The following AGO3 variants were observed in gnomAD, a reference collection of about 807,000 sequenced individuals.
AGO3 encodes protein argonaute-3.
AGO3 carries 16 observed loss-of-function variants against 105.5 expected under a neutral mutation model. The observed-to-expected ratio is 0.15, with a 90% CI of 0.10 to 0.23. The LOEUF (loss-of-function observed/expected upper bound fraction) is 0.23, where lower values mean the gene tolerates loss of function less well. Among genes scored for constraint, AGO3 ranks in the 10% least tolerant of loss-of-function variants. The pLI, the probability that AGO3 is intolerant of heterozygous loss-of-function variation, is 1.00. For missense variants in AGO3, 534 were observed against 1,088.0 expected, an observed-to-expected ratio of 0.49 and a Z score of 7.16; for synonymous variants, 340 against 367.3, an observed-to-expected ratio of 0.93 and a Z score of 0.85.
intron 6 of AGO3, chr1:36,005,686 A>G: frequency 3.1e-6 from 3 of 981,896 alleles, no homozygotes; most frequent in Non-Finnish European, 3.6e-6. Context: ...TGCGGTAACT[A>G]TGCAATCAAC....
chr1:36,001,710 T>A (rs1171292094), intron 5 of AGO3, among the ~76,000 whole-genome samples: 1 of 152,198 alleles, frequency 6.6e-6, no homozygotes, highest in African/African-American at 2.4e-5. Flanking sequence ...ATTCCTACAT[T>A]TTTATCTTTG....
chr1:36,009,316 T>C, intron 8 of AGO3, 159 bp from the exon 9 acceptor site: 1 of 891,034 alleles, frequency 1.1e-6, no homozygotes, highest in Non-Finnish European at 1.7e-6. Context: ...ACTTAATTAC[T>C]GTAGAGCTGT....
chr1:36,068,984 G>T lies in AGO3; in HGVS notation c.*13239G>T, dbSNP rs1359889256. 6.6e-6 allele frequency: 1 copy of T among 152,182 alleles called. No homozygotes were observed. Among genetic ancestry groups the T allele is most frequent in the East Asian group, 1.9e-4 (1 of 5,196 alleles). The allele number at this position is 152,182 out of a possible 1,614,324, so 9.4% of individuals were successfully genotyped here. ...ATATGAGCCAGAGACTTGGAATTTA[G>T]TAATAGGTCTCCCACTGATTTGCTC... On this transcript the variant is annotated 3_prime_UTR_variant, in exon 19 of 19. Coordinates refer to ENST00000373191, the MANE Select transcript of AGO3 (RefSeq NM_024852.4).
chr1:36,033,427 C>T (rs1010198801), intron 12 of AGO3, among the ~76,000 whole-genome samples: 1 of 151,226 alleles, frequency 6.6e-6, no homozygotes, highest in Non-Finnish European at 1.5e-5. Context: ...ATCACTTGAG[C>T]TTAGGAGTTT....
intron 1 of AGO3, among the ~76,000 whole-genome samples, chr1:35,936,555 C>T (rs767391445): frequency 6.6e-6 from 1 of 152,126 alleles, no homozygotes. Context: ...CTCCTGACCT[C>T]AGGTAGTCCA....
intron 2 of AGO3, among the ~76,000 whole-genome samples, chr1:35,962,387 C>A (rs962152103): frequency 1.3e-5 from 2 of 151,542 alleles, no homozygotes; most frequent in Admixed American, 1.3e-4. Context: ...ACTAAAAATA[C>A]AAAAAATTAG....
chr1:36,009,740 C>T (rs1358592435), intron 9 of AGO3, 146 bp downstream of exon 9: 1 of 883,972 alleles, frequency 1.1e-6, no homozygotes, highest in Non-Finnish European at 1.6e-6. Context: ...ATCTAATGTT[C>T]TTGATACAAG....
At chr1:36,024,507 C>A (rs1029574685) in intron 11 of AGO3, among the ~76,000 whole-genome samples, 1 of 152,096 alleles carries the variant, frequency 6.6e-6, no homozygotes, top group Non-Finnish European at 1.5e-5. Flanking sequence ...TTTTCCTTTT[C>A]ATTATCTATC....
chr1:36,020,290 C>T (rs2148826222), intron 11 of AGO3, among the ~76,000 whole-genome samples: 1 of 152,288 alleles, frequency 6.6e-6, no homozygotes, highest in South Asian at 2.1e-4. Flanking sequence ...GTAGTTTGAC[C>T]TGGACCATGG....
chr1:36,034,861 A>T (rs1641935451), intron 13 of AGO3, among the ~76,000 whole-genome samples: 1 of 152,236 alleles, frequency 6.6e-6, no homozygotes, highest in Non-Finnish European at 1.5e-5. Flanking sequence ...TTCCTGCTAT[A>T]GTCAGTGAGA....
chr1:36,032,322 A>G (rs1641816009), intron 12 of AGO3, among the ~76,000 whole-genome samples: 1 of 152,144 alleles, frequency 6.6e-6, no homozygotes, highest in Non-Finnish European at 1.5e-5. Flanking sequence ...GACGTTGGGC[A>G]TCTTTTCATG....
intron 17 of AGO3, among the ~76,000 whole-genome samples, chr1:36,050,682 C>T (rs555466840): frequency 6.0e-5 from 9 of 150,854 alleles, no homozygotes; most frequent in Non-Finnish European, 1.2e-4. Context: ...ATCCCAGCTA[C>T]TCAAGAGGCT....
intron 9 of AGO3, among the ~76,000 whole-genome samples, chr1:36,010,821 G>A (rs1380149127): frequency 1.3e-5 from 2 of 150,586 alleles, no homozygotes; most frequent in Non-Finnish European, 1.5e-5. Flanking sequence ...CAGGAGAATC[G>A]CTTGAACCCG....
At chr1:35,960,951 T>C (rs890000684) in intron 2 of AGO3, among the ~76,000 whole-genome samples, 2 of 151,374 alleles carry the variant, frequency 1.3e-5, no homozygotes, top group African/African-American at 4.8e-5. Flanking sequence ...TTTTTATTTT[T>C]ATTTTTTTTT....
chr1:35,975,099 A>G (rs1646932103), intron 5 of AGO3, among the ~76,000 whole-genome samples: 1 of 152,112 alleles, frequency 6.6e-6, no homozygotes, highest in Admixed American at 6.6e-5. Flanking sequence ...TAAGTCTGTA[A>G]GATACATTCC....
chr1:36,019,936 T>C (rs1474114394), intron 11 of AGO3, among the ~76,000 whole-genome samples: 2 of 152,058 alleles, frequency 1.3e-5, no homozygotes, highest in Non-Finnish European at 2.9e-5. Flanking sequence ...ACCCAGCTAA[T>C]TTTTTGTATT....
chr1:36,013,788 A>G (rs1175151915), intron 10 of AGO3, 36 bp downstream of exon 10: 5 of 1,608,384 alleles, frequency 3.1e-6, no homozygotes, highest in African/African-American at 1.3e-5. Flanking sequence ...TCATACACAT[A>G]TTGTCTGTAA....
chr1:35,977,496 G>C (rs1008285657), intron 5 of AGO3, among the ~76,000 whole-genome samples: 2 of 150,108 alleles, frequency 1.3e-5, no homozygotes, highest in Admixed American at 6.7e-5. Flanking sequence ...AGGGTCAAGC[G>C]ATCTTCCCAC....
At position 36,066,039 on chromosome 1, in the gene AGO3, C is replaced by CAAAAAA. The variant is rs575467258; in HGVS notation, c.*10304_*10309dup. On this transcript the variant is annotated 3_prime_UTR_variant, in exon 19 of 19. Transcript: ENST00000373191. The stretch of plus-strand genomic sequence containing the variant: ...TGGGCAACAGAGTGAGACTCTGTCT[C>CAAAAAA]AAAAAAAAAAAAAAATCGTTGTGCA... 8.5e-5 allele frequency: 9 copies of CAAAAAA among 105,916 alleles called. No individual in the cohort carries two copies. Among genetic ancestry groups the CAAAAAA allele is most frequent in the Non-Finnish European group, 1.8e-4 (9 of 50,142 alleles). 6.6% of individuals were successfully genotyped at this position (105,916 alleles called of 1,614,324 possible).
Sources: gnomAD v4.1 joint callset for allele counts (sites outside exome capture counted in the v4.1 genomes callset) on GRCh38, gnomAD v4.1.1 for gene constraint, MANE v1.5 for transcripts, NCBI Gene and HGNC (gene_info 2026-07-23, HGNC 2026-07-21) for gene names.